Variants in SDK1 observed in about 807,000 individuals in gnomAD.
SDK1 encodes protein sidekick-1.
A neutral mutation model predicts 245.5 loss-of-function variants in SDK1; 157 were observed. The observed-to-expected ratio is 0.64, with a 90% CI of 0.56 to 0.73. The LOEUF is 0.73. Ranked by LOEUF, SDK1 falls within the 30% of genes least tolerant of loss-of-function variation. The probability of loss-of-function intolerance (pLI) is 0.00; values close to 1 mark genes in which losing one functional copy is unlikely to be tolerated. For missense variants in SDK1, 3,583 were observed against 3,002.3 expected, an observed-to-expected ratio of 1.19 and a Z score of -4.52; for synonymous variants, 1,647 against 1,278.5, an observed-to-expected ratio of 1.29 and a Z score of -6.15.
chr7:3,331,441 C>T (rs1397062784), intron 1 of SDK1, among the ~76,000 whole-genome samples: 2 of 152,152 alleles, frequency 1.3e-5, no homozygotes, highest in African/African-American at 4.8e-5. Flanking sequence ...ATTTGCATAT[C>T]TTCTTTGGGG....
At position 3,563,457 on chromosome 7, in the gene SDK1, A is replaced by T. The variant is rs566433709; in HGVS notation, c.299-55623A>T. 6.6e-5 allele frequency among the ~76,000 whole-genome samples: 10 copies of T among 152,296 alleles called. No homozygotes were observed. The South Asian group carries it at 2.1e-3, about 32-fold the overall frequency. ...CAGAAAGCAGTGGTAACTTAAATAT[A>T]TTATTAAAGATGAAGAGGAATGCTA... On this transcript the variant is annotated intron_variant, in intron 1 of 44. Transcript: ENST00000404826.
chr7:4,158,164 G>T (rs1335240336), intron 30 of SDK1, among the ~76,000 whole-genome samples: 1 of 152,170 alleles, frequency 6.6e-6, no homozygotes, highest in African/African-American at 2.4e-5. Flanking sequence ...CCTGCCCTCT[G>T]TGCAGCTCCT....
At chr7:3,866,044 C>T (rs1780813570) in intron 5 of SDK1, among the ~76,000 whole-genome samples, 1 of 152,138 alleles carries the variant, frequency 6.6e-6, no homozygotes, top group Non-Finnish European at 1.5e-5. Context: ...GAAAAGGAGG[C>T]AGAGTGACAG....
intron 4 of SDK1, among the ~76,000 whole-genome samples, chr7:3,788,935 A>G (rs1780995226): frequency 6.6e-6 from 1 of 152,218 alleles, no homozygotes; most frequent in Non-Finnish European, 1.5e-5. Flanking sequence ...ATTTAGATGT[A>G]GAATAGAACT....
chr7:4,268,075 T>A lies in SDK1; in HGVS notation c.*2691T>A, dbSNP rs1788577867. On this transcript the variant is annotated 3_prime_UTR_variant, in exon 45 of 45. Transcript: ENST00000404826. ...TTTTAAAAAGAGGACAAACAAAATG[T>A]CTCTAAGCCAGGCTAGATGGAATGT... 2.0e-6 allele frequency: 2 copies of A among 985,356 alleles called. No homozygotes were observed. 61.0% of individuals were successfully genotyped at this position (985,356 alleles called of 1,614,324 possible). A position where few individuals can be genotyped will look rare whatever the true frequency, so the allele number is the denominator to read the frequency against.
At chr7:3,597,554 A>G (rs996261283) in intron 1 of SDK1, among the ~76,000 whole-genome samples, 10 of 152,096 alleles carry the variant, frequency 6.6e-5, no homozygotes, top group Non-Finnish European at 1.3e-4. Context: ...CTTCCTTATT[A>G]TGCTGGAGTG....
intron 4 of SDK1, among the ~76,000 whole-genome samples, chr7:3,814,169 G>A (rs1279428867): frequency 3.3e-5 from 5 of 150,756 alleles, no homozygotes; most frequent in African/African-American, 9.8e-5. Context: ...TTGCTGTTTT[G>A]GACATAAAGT....
chr7:4,045,399 T>C (rs1442571527), intron 17 of SDK1, among the ~76,000 whole-genome samples: 1 of 151,298 alleles, frequency 6.6e-6, no homozygotes, highest in Non-Finnish European at 1.5e-5. Flanking sequence ...TGTGCCATCA[T>C]GCCCAGCTAC....
chr7:4,199,266 C>T (rs112074340), intron 35 of SDK1, among the ~76,000 whole-genome samples: 4 of 152,136 alleles, frequency 2.6e-5, no homozygotes, highest in Admixed American at 1.3e-4. Context: ...TGTGAGGACC[C>T]GGATCTTCCT....
At chr7:4,187,219 TG>T (rs761147912) in intron 35 of SDK1, among the ~76,000 whole-genome samples, 1 of 152,136 alleles carries the variant, frequency 6.6e-6, no homozygotes, top group African/African-American at 2.4e-5. Flanking sequence ...GGGTCCCATG[TG>T]GGGGTAAACC....
Position 4,126,344 on chromosome 7 carries a change from A to G in SDK1, c.3824-1037A>G, listed in dbSNP as rs78917274. ...GTTTCACTGCTTTTATACATATTAT[A>G]TCTGAATCAGTGCAAACATATCAAG... On this transcript the variant is annotated intron_variant, in intron 25 of 44. Coordinates refer to ENST00000404826, the MANE Select transcript of SDK1 (RefSeq NM_152744.4). Among the ~76,000 whole-genome samples the G allele has an allele frequency of 5.0e-3, 758 of 152,398 alleles. 4 individuals are homozygous for G. Among genetic ancestry groups the G allele is most frequent in the African/African-American group, 0.018 (744 of 41,598 alleles).
At chr7:3,688,323 C>T (rs1784350135) in intron 4 of SDK1, among the ~76,000 whole-genome samples, 1 of 152,144 alleles carries the variant, frequency 6.6e-6, no homozygotes, top group South Asian at 2.1e-4. Flanking sequence ...TGAAATCAGA[C>T]CTGGGTCAAA....
intron 34 of SDK1, among the ~76,000 whole-genome samples, chr7:4,176,170 T>G (rs1351546754): frequency 6.6e-6 from 1 of 151,790 alleles, no homozygotes; most frequent in East Asian, 1.9e-4. Context: ...CTTTACTTTT[T>G]TTTTTTTTTA....
chr7:3,966,410 A>G (rs1489959505), intron 9 of SDK1, among the ~76,000 whole-genome samples: 3 of 152,084 alleles, frequency 2.0e-5, no homozygotes, highest in African/African-American at 4.8e-5. Context: ...GTTCCGGTTA[A>G]TCGTTATTGG....
intron 19 of SDK1, among the ~76,000 whole-genome samples, chr7:4,052,837 C>T (rs1006648097): frequency 6.6e-6 from 1 of 152,022 alleles, no homozygotes; most frequent in African/African-American, 2.4e-5. Context: ...GCCTGTAATC[C>T]CAGCACTTTG....
At chr7:4,055,443 A>G (rs184956608) in intron 19 of SDK1, among the ~76,000 whole-genome samples, 1 of 151,960 alleles carries the variant, frequency 6.6e-6, no homozygotes, top group East Asian at 1.9e-4. Context: ...TTTATTCCTG[A>G]TATTGATGAT....
At chr7:3,937,565 C>G (rs1780204154) in intron 5 of SDK1, among the ~76,000 whole-genome samples, 1 of 152,226 alleles carries the variant, frequency 6.6e-6, no homozygotes, top group Non-Finnish European at 1.5e-5. Context: ...GGTTTAAACA[C>G]AATGGTGTTC....
chr7:3,786,317 T>A (rs1186124887), intron 4 of SDK1, among the ~76,000 whole-genome samples: 4 of 152,196 alleles, frequency 2.6e-5, no homozygotes, highest in Admixed American at 1.3e-4. Context: ...TAAACACAGC[T>A]TTCTAGTGAA....
intron 22 of SDK1, among the ~76,000 whole-genome samples, chr7:4,087,761 C>G (rs188614640): frequency 6.6e-6 from 1 of 152,160 alleles, no homozygotes; most frequent in Non-Finnish European, 1.5e-5. Context: ...CTGGTTCCCC[C>G]CTTTTTTAGC....
Sources: allele counts gnomAD v4.1 joint callset (sites outside exome capture counted in the v4.1 genomes callset), GRCh38; gene constraint gnomAD v4.1.1; transcripts MANE v1.5; gene names NCBI Gene and HGNC (gene_info 2026-07-23, HGNC 2026-07-21).